VWC2L: variants seen among roughly 807,000 people sequenced by gnomAD.
VWC2L encodes the protein von Willebrand factor C domain-containing protein 2-like.
VWC2L carries 10 observed loss-of-function variants against 21.6 expected under a neutral mutation model. That is an observed-to-expected ratio of 0.46 (90% CI 0.29 to 0.78). The LOEUF (loss-of-function observed/expected upper bound fraction) is 0.78, where lower values mean the gene tolerates loss of function less well. Among genes scored for constraint, VWC2L ranks in the 30% least tolerant of loss-of-function variants. The probability of loss-of-function intolerance (pLI) is 0.10; values close to 1 mark genes in which losing one functional copy is unlikely to be tolerated. For missense variants in VWC2L, 209 were observed against 277.1 expected (o/e 0.75, Z 1.74); for synonymous variants, 96 against 94.3 (o/e 1.02, Z -0.10).
chr2:214,483,076 A>G (rs1688628984), intron 3 of VWC2L, among the ~76,000 whole-genome samples: 1 of 152,146 alleles, frequency 6.6e-6, no homozygotes, highest in East Asian at 1.9e-4. Flanking sequence ...TCCCTATCAT[A>G]TGAATGAGGA....
chr2:214,457,051 ACTC>A (rs1404816519), intron 3 of VWC2L, among the ~76,000 whole-genome samples: 4 of 151,640 alleles, frequency 2.6e-5, no homozygotes, highest in South Asian at 2.1e-4. Flanking sequence ...GAGTATTCAG[ACTC>A]CTTTTTTATT....
intron 3 of VWC2L, among the ~76,000 whole-genome samples, chr2:214,503,425 C>A (rs1688923673): frequency 6.6e-6 from 1 of 151,668 alleles, no homozygotes; most frequent in African/African-American, 2.4e-5. Flanking sequence ...CATCTTGATA[C>A]CAAGGCCATA....
chr2:214,498,371 G>T (rs1688840518), intron 3 of VWC2L, among the ~76,000 whole-genome samples: 1 of 152,090 alleles, frequency 6.6e-6, no homozygotes, highest in African/African-American at 2.4e-5. Flanking sequence ...AAAACACTCT[G>T]TGGAGTATCA....
At chr2:214,573,920 C>T (rs1362691423) in intron 3 of VWC2L, among the ~76,000 whole-genome samples, 1 of 152,172 alleles carries the variant, frequency 6.6e-6, no homozygotes, top group Non-Finnish European at 1.5e-5. Context: ...GCAGGTGGAT[C>T]GCCTGAGGTC....
rs932775002 is a variant in VWC2L, at chr2:214,571,689, A to T, written c.521-3983A>T. ...CTGTCTTCAAGGATCTGACAACTTA[A>T]ACCATACCTGACAGATAAGACCGAT... On this transcript the variant is annotated intron_variant, in intron 3 of 3. Coordinates refer to ENST00000312504, the MANE Select transcript of VWC2L (RefSeq NM_001080500.4). Among the ~76,000 whole-genome samples the T allele has an allele frequency of 9.8e-5, 15 of 152,334 alleles. No individual in the cohort carries two copies. The South Asian group carries it at 1.2e-3, about 13-fold the overall frequency.
intron 3 of VWC2L, among the ~76,000 whole-genome samples, chr2:214,519,885 G>A (rs776628455): frequency 1.4e-4 from 21 of 152,124 alleles, no homozygotes; most frequent in Non-Finnish European, 2.9e-4. Flanking sequence ...ATTTATATAT[G>A]TGCAAAGAGA....
chr2:214,424,862 G>A (rs1362840091), intron 2 of VWC2L, among the ~76,000 whole-genome samples: 2 of 151,948 alleles, frequency 1.3e-5, no homozygotes, highest in East Asian at 1.9e-4. Context: ...TATTTAATGC[G>A]ATTATTTATG....
At chr2:214,451,448 C>T (rs755670393) in intron 3 of VWC2L, among the ~76,000 whole-genome samples, 3 of 151,962 alleles carry the variant, frequency 2.0e-5, no homozygotes, top group Non-Finnish European at 2.9e-5. Flanking sequence ...GCAAAGCCAC[C>T]TGGGTTGGAG....
At chr2:214,435,641 C>A (rs1702668695) in intron 2 of VWC2L, among the ~76,000 whole-genome samples, 1 of 152,142 alleles carries the variant, frequency 6.6e-6, no homozygotes, top group Non-Finnish European at 1.5e-5. Flanking sequence ...AGGTAAGAAT[C>A]TGTGGCTTCA....
intron 2 of VWC2L, among the ~76,000 whole-genome samples, chr2:214,434,074 G>A (rs1221081109): frequency 6.6e-6 from 1 of 152,138 alleles, no homozygotes. Context: ...ATAAAGCCAA[G>A]TTCAGGGCAG....
intron 3 of VWC2L, among the ~76,000 whole-genome samples, chr2:214,461,983 G>A (rs932499707): frequency 6.6e-6 from 1 of 152,180 alleles, no homozygotes; most frequent in Non-Finnish European, 1.5e-5. Flanking sequence ...GGAGTGCTGA[G>A]GACCCTGCTG....
rs746627644 is a variant in VWC2L at position 214,540,764 on chromosome 2, G to A, written c.521-34908G>A. Among the ~76,000 whole-genome samples, 11 of 152,214 alleles carry A rather than the reference G, an allele frequency of 7.2e-5. No homozygotes were observed. In the South Asian group the frequency reaches 8.3e-4, roughly 11 times the overall value. ...TTTTCTATTAAAATGCCTAGCATCCGTAAACAATACATCAGAAAGCAAGAC... is the reference window on the plus strand; with the variant it reads ...TTTTCTATTAAAATGCCTAGCATCCATAAACAATACATCAGAAAGCAAGAC... On this transcript the variant is annotated intron_variant, in intron 3 of 3. Transcript: ENST00000312504.
chr2:214,413,862 T>A lies in VWC2L; in HGVS notation c.-80-252T>A, dbSNP rs577986627. On this transcript the variant is annotated intron_variant, in intron 1 of 3. Coordinates refer to ENST00000312504, the MANE Select transcript of VWC2L (RefSeq NM_001080500.4). ...TGCAATTTAGATAAAGCCAGACCTA[T>A]GAAATTCAGAAGGAAAATTCAAGCT... is the stretch of plus-strand genomic sequence containing the variant. 2.0e-5 allele frequency among the ~76,000 whole-genome samples: 3 copies of A among 152,272 alleles called. No individual in the cohort carries two copies. The South Asian group carries it at 6.2e-4, about 32-fold the overall frequency.
intron 3 of VWC2L, among the ~76,000 whole-genome samples, chr2:214,478,759 C>T (rs564355277): frequency 6.6e-6 from 1 of 152,166 alleles, no homozygotes; most frequent in Admixed American, 6.5e-5. Flanking sequence ...CCTTGAGGAA[C>T]ACCCCAAAGC....
intron 3 of VWC2L, among the ~76,000 whole-genome samples, chr2:214,563,286 G>T (rs941667997): frequency 6.6e-6 from 1 of 151,956 alleles, no homozygotes; most frequent in African/African-American, 2.4e-5. Context: ...GGTGGTGCAC[G>T]CCTGTAATCC....
chr2:214,549,301 G>A (rs1689756037), intron 3 of VWC2L, among the ~76,000 whole-genome samples: 1 of 152,184 alleles, frequency 6.6e-6, no homozygotes, highest in Non-Finnish European at 1.5e-5. Flanking sequence ...ATTAGGATGT[G>A]GGCATCCTTA....
chr2:214,500,859 T>G (rs1045119907), intron 3 of VWC2L, among the ~76,000 whole-genome samples: 2 of 152,182 alleles, frequency 1.3e-5, no homozygotes, highest in African/African-American at 4.8e-5. Context: ...CTCTGTTAAT[T>G]ATTTGTCCTC....
intron 1 of VWC2L, among the ~76,000 whole-genome samples, chr2:214,413,166 C>T (rs1165274559): frequency 6.6e-6 from 1 of 152,036 alleles, no homozygotes; most frequent in Non-Finnish European, 1.5e-5. Context: ...TTTATGCTGG[C>T]ATCTTTGTGC....
chr2:214,552,101 G>A (rs1269142979), intron 3 of VWC2L, among the ~76,000 whole-genome samples: 1 of 152,186 alleles, frequency 6.6e-6, no homozygotes, highest in Admixed American at 6.5e-5. Context: ...ACTGCTGCTG[G>A]TCCGGAGATC....
Sources: gnomAD v4.1 joint callset for allele counts (sites outside exome capture counted in the v4.1 genomes callset) on GRCh38, gnomAD v4.1.1 for gene constraint, MANE v1.5 for transcripts, NCBI Gene and HGNC (gene_info 2026-07-23, HGNC 2026-07-21) for gene names.